Variants in PLD1 observed in about 807,000 individuals in gnomAD.
The protein encoded by PLD1 is choline phosphatase 1.
Under a neutral mutation model 137.1 loss-of-function variants are expected in PLD1, and 112 were observed. That is an observed-to-expected ratio of 0.82 (90% confidence interval 0.70 to 0.96). The LOEUF is 0.96. Among genes scored for constraint, PLD1 ranks in the 40% least tolerant of loss-of-function variants. The pLI, the probability that PLD1 is intolerant of heterozygous loss-of-function variation, is 0.00. For missense variants in PLD1, 1,321 were observed against 1,342.0 expected (o/e 0.98, Z 0.24); for synonymous variants, 431 against 454.7 (o/e 0.95, Z 0.66).
intron 19 of PLD1, among the ~76,000 whole-genome samples, chr3:171,667,815 G>A (rs192106301): frequency 6.6e-6 from 1 of 152,220 alleles, no homozygotes; most frequent in Non-Finnish European, 1.5e-5. Flanking sequence ...ACAATGGCGT[G>A]ATCTCTGCTC....
chr3:171,729,283 G>C (rs1166145439), intron 6 of PLD1, among the ~76,000 whole-genome samples: 1 of 152,142 alleles, frequency 6.6e-6, no homozygotes, highest in Non-Finnish European at 1.5e-5. Flanking sequence ...ATGCAATAAT[G>C]TTCTTGGCAC....
chr3:171,715,926 C>G (rs988226942), intron 8 of PLD1, among the ~76,000 whole-genome samples: 5 of 133,052 alleles, frequency 3.8e-5, no homozygotes, highest in African/African-American at 1.3e-4. Flanking sequence ...CTCCCACCCC[C>G]CACCCTCAAG....
chr3:171,747,890 A>G (rs1278636208), intron 1 of PLD1, among the ~76,000 whole-genome samples: 5 of 152,256 alleles, frequency 3.3e-5, no homozygotes, highest in East Asian at 1.9e-4. Context: ...TAACTTGGGC[A>G]AAGTAACTTT....
At chr3:171,706,126 C>CTATT (rs1204837731) in intron 11 of PLD1, among the ~76,000 whole-genome samples, 1 of 147,324 alleles carries the variant, frequency 6.8e-6, no homozygotes, top group East Asian at 2.1e-4. Flanking sequence ...GTCAGTCAGT[C>CTATT]TATCTATCTA....
At position 171,687,532 on chromosome 3, in the gene PLD1, G is replaced by A; in HGVS notation, c.1592C>T (p.Pro531Leu). 6.2e-7 allele frequency: 1 copy of A among 1,614,018 alleles called. No homozygotes were observed. Among genetic ancestry groups the A allele is most frequent in the Non-Finnish European group, 8.5e-7 (1 of 1,179,968 alleles). Residue 531 changes from proline (P) to leucine (L), a missense_variant, in exon 15 of 27, where the codon CCT (proline) becomes CTT (leucine). Physicochemically the swap from Pro to Leu is moderately conservative, Grantham distance 98. Coordinates refer to ENST00000351298, the MANE Select transcript of PLD1 (RefSeq NM_002662.5). ...CTTCTGGATGGGTAGGTTTTGAACA[G>A]GCTCATTTTTATCTTTGAGTCTTAA... ...ESLRLKDKNE[P>L]VQNLPIQKSI...
intron 1 of PLD1, chr3:171,792,470 A>G (rs966762996): frequency 9.9e-6 from 4 of 402,956 alleles, no homozygotes; most frequent in African/African-American, 6.2e-5. Context: ...TCAGGCATTC[A>G]GTACCACACC....
chr3:171,654,941 G>A (rs1737065662), intron 21 of PLD1, among the ~76,000 whole-genome samples: 3 of 152,164 alleles, frequency 2.0e-5, no homozygotes, highest in African/African-American at 4.8e-5. Context: ...GAAGGAACCA[G>A]AGGAAGTGAG....
chr3:171,740,001 C>G (rs1048415210), intron 1 of PLD1, among the ~76,000 whole-genome samples: 1 of 152,164 alleles, frequency 6.6e-6, no homozygotes, highest in East Asian at 1.9e-4. Context: ...TCCTGCAACT[C>G]GGTTACCACA....
At position 171,674,421 on chromosome 3, in the gene PLD1, A is replaced by G. The variant is rs916483321; in HGVS notation, c.2229+79T>C. ...GCAGTCATTGAAAAATCTGAAGCCA[A>G]TGTAATAGGCCCTTGGTCCAATAAC... On this transcript the variant is annotated intron_variant, in intron 19 of 26. Transcript: ENST00000351298. 9.6e-6 allele frequency: 6 copies of G among 625,540 alleles called. No homozygotes were observed. The Admixed American group carries it at 1.1e-4, about 12-fold the overall frequency. 38.7% of individuals were successfully genotyped at this position (625,540 alleles called of 1,614,324 possible).
chr3:171,677,477 G>A (rs1312704489), intron 17 of PLD1, 89 bp downstream of exon 17: 6 of 1,266,006 alleles, frequency 4.7e-6, no homozygotes, highest in Middle Eastern at 2.0e-4. Context: ...CAAAACAAAA[G>A]GCATTTAGAT....
intron 19 of PLD1, among the ~76,000 whole-genome samples, chr3:171,668,448 T>C (rs542775048): frequency 6.6e-6 from 1 of 152,266 alleles, no homozygotes; most frequent in Non-Finnish European, 1.5e-5. Flanking sequence ...CTTGGGAATA[T>C]CCTTTGGACA....
intron 19 of PLD1, 79 bp from the exon 20 acceptor site, chr3:171,662,249 C>T: frequency 5.1e-6 from 4 of 790,534 alleles, no homozygotes; most frequent in Non-Finnish European, 8.7e-6. Context: ...GAAGTCACTC[C>T]TTTTTCTTCC....
intron 1 of PLD1, among the ~76,000 whole-genome samples, chr3:171,748,202 T>C (rs75703183): frequency 0.14 from 20,964 of 152,220 alleles, 1,517 homozygotes; most frequent in South Asian, 0.22. Context: ...AGAGAAAATA[T>C]GGGAGGATTA....
At chr3:171,737,740 G>T (rs760977856) in intron 2 of PLD1, 81 bp from the exon 3 acceptor site, 2 of 1,268,382 alleles carry the variant, frequency 1.6e-6, no homozygotes, top group Non-Finnish European at 2.2e-6. Flanking sequence ...TAAGAATCAC[G>T]TGTTAAAACA....
intron 6 of PLD1, among the ~76,000 whole-genome samples, chr3:171,730,526 T>A (rs1465759488): frequency 6.6e-6 from 1 of 152,094 alleles, no homozygotes; most frequent in Non-Finnish European, 1.5e-5. Flanking sequence ...AGGAAAGAAC[T>A]GTCCATGTCT....
chr3:171,740,149 C>T (rs1719674475), intron 1 of PLD1, among the ~76,000 whole-genome samples: 1 of 152,090 alleles, frequency 6.6e-6, no homozygotes, highest in Admixed American at 6.6e-5. Flanking sequence ...ATTCAGCCTC[C>T]CTTATAATTT....
Position 171,713,887 on chromosome 3 carries a change from G to C in PLD1, c.911+6C>G. 6.2e-7 allele frequency: 1 copy of C among 1,606,206 alleles called. No individual in the cohort carries two copies. Among genetic ancestry groups the C allele is most frequent in the Non-Finnish European group, 8.5e-7 (1 of 1,173,756 alleles). ...GAAATCTTTTTTAAATATTTGAAAT[G>C]TGTACCTTGAAAGATTATCAATTCG... On this transcript the variant is annotated splice_donor_region_variant and intron_variant, in intron 9 of 26. Transcript: ENST00000351298.
chr3:171,697,259 T>TTTG, intron 12 of PLD1, among the ~76,000 whole-genome samples: 1 of 144,898 alleles, frequency 6.9e-6, no homozygotes, highest in African/African-American at 2.7e-5. Context: ...TTTTTTTTTT[T>TTTG]TTTGAAACAG....
Position 171,733,489 on chromosome 3 carries a change from C to T in PLD1, c.561G>A (p.Leu187=). The T allele has an allele frequency of 7.6e-7, 1 of 1,312,358 alleles. No individual in the cohort carries two copies. The highest frequency in any genetic ancestry group is 1.1e-6 in the Non-Finnish European group (1 of 909,812). The allele number at this position is 1,312,358 out of a possible 1,614,324, so 81.3% of individuals were successfully genotyped here. The change falls in exon 6 of 27, where the codon TTG becomes TTA. Residue 187 remains leucine (L), a synonymous_variant. Transcript: ENST00000351298. ...LGRRKQLEDY[L]TKILKMPMYR... ...ACATGGGCATTTTTAGTATCTTTGT[C>T]AAGTAATCTTCCAGTTGTTTCTGTA...
Sources: allele counts gnomAD v4.1 joint callset (sites outside exome capture counted in the v4.1 genomes callset), GRCh38; gene constraint gnomAD v4.1.1; transcripts MANE v1.5; gene names NCBI Gene and HGNC (gene_info 2026-07-23, HGNC 2026-07-21).